Variants in PPP2R2B observed in about 807,000 individuals in gnomAD.
PPP2R2B encodes the protein serine/threonine-protein phosphatase 2A 55 kDa regulatory subunit B beta isoform.
Under a neutral mutation model 46.0 loss-of-function variants are expected in PPP2R2B, and 5 were observed. That is an observed-to-expected ratio of 0.11 (90% CI 0.06 to 0.23). The LOEUF is 0.23. Ranked by LOEUF, PPP2R2B falls within the 10% of genes least tolerant of loss-of-function variation. The pLI is 1.00. For missense variants in PPP2R2B, 367 were observed against 575.0 expected, an observed-to-expected ratio of 0.64 and a Z score of 3.70; for synonymous variants, 215 against 206.7, an observed-to-expected ratio of 1.04 and a Z score of -0.34.
chr5:146,721,918 C>T (rs1320574674), intron 2 of PPP2R2B, among the ~76,000 whole-genome samples: 1 of 152,168 alleles, frequency 6.6e-6, no homozygotes, highest in Non-Finnish European at 1.5e-5. Flanking sequence ...AACAGGAACA[C>T]TACTAATATA....
In PPP2R2B at chr5:146,878,753, C is replaced by A; in HGVS notation, c.-287G>T. ...GCTGCTGCTGCTGCTGCTGCTGCTG[C>A]TGCTGCAGGAGGCTGGAGGCGGCTG... On this transcript the variant is annotated 5_prime_UTR_variant, in exon 1 of 10. Transcript: ENST00000394411. The surrounding 1 kb of genome is among the most constrained non-coding windows in gnomAD (Gnocchi z 4.5). 7.5e-7 allele frequency: 1 copy of A among 1,336,030 alleles called. No homozygotes were observed. Among genetic ancestry groups the A allele is most frequent in the Non-Finnish European group, 9.9e-7 (1 of 1,014,234 alleles). 82.8% of individuals were successfully genotyped at this position (1,336,030 alleles called of 1,614,324 possible).
chr5:146,990,415 T>A (rs190375209), intron 1 of PPP2R2B, among the ~76,000 whole-genome samples: 51 of 152,008 alleles, frequency 3.4e-4, no homozygotes, highest in Middle Eastern at 3.4e-3. Flanking sequence ...CAGAAAGAAA[T>A]CCATGCACTT....
intron 7 of PPP2R2B, among the ~76,000 whole-genome samples, chr5:146,629,542 G>A (rs545733686): frequency 6.6e-6 from 1 of 152,066 alleles, no homozygotes; most frequent in Non-Finnish European, 1.5e-5. Context: ...GGCACCCCTT[G>A]TCTGAGAACT....
intron 2 of PPP2R2B, among the ~76,000 whole-genome samples, chr5:146,842,745 G>A (rs1196149997): frequency 3.9e-5 from 6 of 151,974 alleles, no homozygotes. Context: ...TGCCATATTT[G>A]GTTTTCTGTT....
rs574926879 is a variant in PPP2R2B, at chr5:146,867,742, G to A, written c.70+10260C>T. Among the ~76,000 whole-genome samples, 6 of 152,244 alleles carry A rather than the reference G, an allele frequency of 3.9e-5. No individual in the cohort carries two copies. In the South Asian group the frequency reaches 1.2e-3, roughly 32 times the overall value. ...GCTTCTGTGGTTAATTATATTTTGA[G>A]AAGGACGGAGTGTCACCTGCCCAAA... On this transcript the variant is annotated intron_variant, in intron 2 of 9. Transcript: ENST00000394411.
chr5:147,037,550 G>T lies in PPP2R2B; in HGVS notation c.79+18115C>A, dbSNP rs144009447. On this transcript the variant is annotated intron_variant, in intron 1 of 8. Coordinates refer to the PPP2R2B transcript ENST00000336640. ...TCATTTTTGTGCTAACATTCATTTT[G>T]AGAATTTTACATTGGGGTGTATGTG... is the stretch of plus-strand genomic sequence containing the variant. Among the ~76,000 whole-genome samples, 140 of 152,056 alleles carry T rather than the reference G, an allele frequency of 9.2e-4. 1 individual carries two copies. Among genetic ancestry groups the T allele is most frequent in the African/African-American group, 3.3e-3 (136 of 41,492 alleles).
intron 2 of PPP2R2B, among the ~76,000 whole-genome samples, chr5:146,851,256 T>C (rs1760330553): frequency 6.6e-6 from 1 of 152,252 alleles, no homozygotes; most frequent in South Asian, 2.1e-4. Context: ...GCTCTCATCA[T>C]TGGCCTTGGA....
intron 2 of PPP2R2B, among the ~76,000 whole-genome samples, chr5:146,778,976 T>C (rs1755346802): frequency 6.6e-6 from 1 of 152,158 alleles, no homozygotes. Flanking sequence ...ACATTTAATG[T>C]GGGGGATCCA....
intron 2 of PPP2R2B, among the ~76,000 whole-genome samples, chr5:146,722,049 C>T (rs1291646993): frequency 6.6e-6 from 1 of 152,160 alleles, no homozygotes; most frequent in Non-Finnish European, 1.5e-5. Flanking sequence ...CCCCATTTTA[C>T]AGATGAGGAA....
At chr5:146,869,388 C>T (rs750542396) in intron 2 of PPP2R2B, among the ~76,000 whole-genome samples, 2 of 152,208 alleles carry the variant, frequency 1.3e-5, no homozygotes, top group Non-Finnish European at 2.9e-5. Context: ...AAACGATTTT[C>T]TATCCACAGG....
At chr5:146,956,662 T>C (rs1751924850) in intron 1 of PPP2R2B, among the ~76,000 whole-genome samples, 1 of 152,190 alleles carries the variant, frequency 6.6e-6, no homozygotes, top group Non-Finnish European at 1.5e-5. Context: ...TGTATGTATA[T>C]ATCTGTCTTA....
At chr5:146,734,444 C>T (rs545903529) in intron 2 of PPP2R2B, among the ~76,000 whole-genome samples, 1 of 152,100 alleles carries the variant, frequency 6.6e-6, no homozygotes, top group Non-Finnish European at 1.5e-5. Flanking sequence ...TTATTATTCC[C>T]ACTTTGCAGG....
chr5:146,766,306 A>G (rs1475089316), intron 2 of PPP2R2B, among the ~76,000 whole-genome samples: 1 of 152,028 alleles, frequency 6.6e-6, no homozygotes, highest in Non-Finnish European at 1.5e-5. Flanking sequence ...GATGTCTGGG[A>G]AAAAAAAGAG....
chr5:147,070,989 G>GA (rs369211957), intron 2 of PPP2R2B, among the ~76,000 whole-genome samples: 1 of 151,700 alleles, frequency 6.6e-6, no homozygotes, highest in Admixed American at 6.6e-5. Flanking sequence ...ACTCCGTCTT[G>GA]AAAAAAATAA....
chr5:146,748,822 A>C (rs972604147), intron 2 of PPP2R2B, among the ~76,000 whole-genome samples: 1 of 152,332 alleles, frequency 6.6e-6, no homozygotes, highest in Middle Eastern at 3.4e-3. Context: ...GGTAATTATG[A>C]ATAATGCTGC....
At position 147,020,362 on chromosome 5, in the gene PPP2R2B, C is replaced by A. The variant is rs574378060; in HGVS notation, c.79+35303G>T. On this transcript the variant is annotated intron_variant, in intron 1 of 8. Transcript: ENST00000336640. ...CATCCTATCAGACCACTGACTTTCA[C>A]TGGGGTAGGAAACATGTTGACTTCA... Among the ~76,000 whole-genome samples, 3 of 151,958 alleles carry A rather than the reference C, an allele frequency of 2.0e-5. No homozygotes were observed. In the South Asian group the frequency reaches 6.3e-4, roughly 32 times the overall value.
chr5:146,706,293 G>A, intron 2 of PPP2R2B: 1 of 525,300 alleles, frequency 1.9e-6, no homozygotes. Context: ...GAGCTGGTGC[G>A]GCTGAAGGAG....
At chr5:146,853,325 T>G (rs896530099) in intron 2 of PPP2R2B, among the ~76,000 whole-genome samples, 1 of 152,152 alleles carries the variant, frequency 6.6e-6, no homozygotes, top group African/African-American at 2.4e-5. Flanking sequence ...AATGATAGTA[T>G]AGAGTTCCAT....
chr5:146,663,924 C>A (rs1414361656), intron 5 of PPP2R2B, among the ~76,000 whole-genome samples: 1 of 152,086 alleles, frequency 6.6e-6, no homozygotes, highest in Non-Finnish European at 1.5e-5. Flanking sequence ...CTCACTGCAA[C>A]CTCTGCCTCC....
Sources: allele counts gnomAD v4.1 joint callset (sites outside exome capture counted in the v4.1 genomes callset), GRCh38; gene constraint gnomAD v4.1.1; non-coding constraint Gnocchi (gnomAD v3.1); transcripts MANE v1.5; gene names NCBI Gene and HGNC (gene_info 2026-07-23, HGNC 2026-07-21).